Variants in DGCR2 observed in about 807,000 individuals in gnomAD.
DGCR2 encodes the protein integral membrane protein DGCR2/IDD.
In DGCR2, 24 loss-of-function variants were observed where a neutral mutation model predicts 51.6. The observed-to-expected ratio is 0.47, with a 90% CI of 0.34 to 0.65. The LOEUF is 0.65. Among genes scored for constraint, DGCR2 ranks in the 30% least tolerant of loss-of-function variants. DGCR2 has a pLI of 0.01. For synonymous variants in DGCR2, 340 were observed against 315.4 expected (o/e 1.08, Z -0.82); for missense variants, 765 against 772.1 (o/e 0.99, Z 0.11).
chr22:19,119,606 T>C (rs1486123972), intron 1 of DGCR2, among the ~76,000 whole-genome samples: 5 of 151,840 alleles, frequency 3.3e-5, no homozygotes, highest in African/African-American at 1.2e-4. Context: ...CGTGGAGGCG[T>C]ATGCCTGTAA....
At chr22:19,048,107 G>A (rs572202999) in intron 7 of DGCR2, 7 of 365,152 alleles carry the variant, frequency 1.9e-5, no homozygotes, top group East Asian at 1.9e-4. Context: ...GCAGGAGAAC[G>A]GCTTAAACCC....
chr22:19,062,779 A>ACTCTCACTCTCTCTCTCT, intron 5 of DGCR2, among the ~76,000 whole-genome samples: 2 of 127,354 alleles, frequency 1.6e-5, no homozygotes, highest in East Asian at 2.3e-4. Flanking sequence ...ATGCATGCTC[A>ACTCTCACTCTCTCTCTCT]CTCTCTCTCT....
chr22:19,079,289 T>C (rs780232208), intron 2 of DGCR2, among the ~76,000 whole-genome samples: 6 of 152,184 alleles, frequency 3.9e-5, no homozygotes, highest in Non-Finnish European at 7.3e-5. Flanking sequence ...AATGTAAATA[T>C]TCCAAAATCA....
chr22:19,062,774 T>TTTTCTTTC (rs1569052709), intron 5 of DGCR2, among the ~76,000 whole-genome samples: 1 of 113,872 alleles, frequency 8.8e-6, no homozygotes, highest in Non-Finnish European at 1.9e-5. Flanking sequence ...CACACATGCA[T>TTTTCTTTC]GCTCACTCTC....
chr22:19,089,833 G>A (rs890954537), intron 1 of DGCR2, among the ~76,000 whole-genome samples: 4 of 152,298 alleles, frequency 2.6e-5, no homozygotes, highest in African/African-American at 4.8e-5. Flanking sequence ...TGCCTGCCTC[G>A]GCCTCCCGAA....
In DGCR2 at chr22:19,057,247, C is replaced by T; in HGVS notation, c.626-85G>A. 2 of 1,383,454 alleles carry T rather than the reference C, an allele frequency of 1.4e-6. No individual in the cohort carries two copies. Among genetic ancestry groups the T allele is most frequent in the Non-Finnish European group, 1.9e-6 (2 of 1,031,838 alleles). The allele number at this position is 1,383,454 out of a possible 1,614,324, so 85.7% of individuals were successfully genotyped here. ...TCCTCAAGGGGACCATGGCGTCAGACAGGATCATCAACCACAGGGCCTGGA... is the reference window on the plus strand; with the variant it reads ...TCCTCAAGGGGACCATGGCGTCAGATAGGATCATCAACCACAGGGCCTGGA... On this transcript the variant is annotated intron_variant, in intron 5 of 9. Coordinates refer to ENST00000263196, the MANE Select transcript of DGCR2 (RefSeq NM_005137.3). This position sits in a 1 kb window ranked among gnomAD's most constrained non-coding sequence, Gnocchi z 5.1.
In DGCR2 at chr22:19,063,174, AACACTCCCAC is replaced by A; in HGVS notation, c.625+18_625+27del. ...ATCAGGGTGACTCTGCCCAGCTTCA[AACACTCCCAC>A]ACACCAGAAGGGCTCACCTTTGAAT... On this transcript the variant is annotated intron_variant, in intron 5 of 9. Transcript: ENST00000263196. 1.9e-6 allele frequency: 3 copies of A among 1,610,778 alleles called. No homozygotes were observed. The highest frequency in any genetic ancestry group is 2.5e-6 in the Non-Finnish European group (3 of 1,177,000).
At chr22:19,078,918 G>A (rs1037250229) in intron 2 of DGCR2, among the ~76,000 whole-genome samples, 4 of 152,124 alleles carry the variant, frequency 2.6e-5, no homozygotes, top group African/African-American at 9.7e-5. Flanking sequence ...TTCTTTAAAC[G>A]TTTGGAGAAT....
At chr22:19,041,729 G>C in intron 8 of DGCR2, 78 bp downstream of exon 8, 1 of 1,504,144 alleles carries the variant, frequency 6.6e-7, no homozygotes, top group Non-Finnish European at 9.1e-7. Flanking sequence ...TCTGTCCAGG[G>C]CTGGGGAGCT....
At chr22:19,048,714 C>T in intron 6 of DGCR2, 71 bp from the exon 7 acceptor site, 2 of 1,522,916 alleles carry the variant, frequency 1.3e-6, no homozygotes, top group Non-Finnish European at 1.8e-6. Context: ...GTGGGCCACA[C>T]TGCCAAAAAA....
At chr22:19,084,059 T>C (rs2082976640) in intron 2 of DGCR2, among the ~76,000 whole-genome samples, 1 of 152,044 alleles carries the variant, frequency 6.6e-6, no homozygotes, top group Admixed American at 6.5e-5. Context: ...TGGCGTGATC[T>C]CGGCTCGCTA....
At chr22:19,056,285 A>G (rs537299776) in intron 6 of DGCR2, 37 of 180,856 alleles carry the variant, frequency 2.0e-4, no homozygotes, top group African/African-American at 7.8e-4. Context: ...ACTGCACTCC[A>G]GCCTGGGCAA....
At chr22:19,104,255 T>C (rs1185770095) in intron 1 of DGCR2, among the ~76,000 whole-genome samples, 1 of 152,144 alleles carries the variant, frequency 6.6e-6, no homozygotes, top group Non-Finnish European at 1.5e-5. Flanking sequence ...GGAGAGCTAC[T>C]GCTTTGGGCT....
chr22:19,063,144 C>G, intron 5 of DGCR2, 58 bp downstream of exon 5: 1 of 1,525,680 alleles, frequency 6.6e-7, no homozygotes, highest in Non-Finnish European at 9.1e-7. Flanking sequence ...GAGGGGAGGC[C>G]CCGAATCAGG....
intron 7 of DGCR2, chr22:19,046,592 G>GCCGTATCATTAAAAAA: frequency 5.1e-6 from 1 of 195,072 alleles, no homozygotes; most frequent in Non-Finnish European, 1.2e-5. Flanking sequence ...TTGTTGGAGG[G>GCCGTATCATTAAAAAA]GACATTCTGA....
intron 1 of DGCR2, among the ~76,000 whole-genome samples, chr22:19,114,866 T>C (rs1222872132): frequency 6.6e-6 from 1 of 152,168 alleles, no homozygotes; most frequent in East Asian, 1.9e-4. Flanking sequence ...ACCAGAATAC[T>C]GTCCTCAGTA....
chr22:19,088,866 G>A (rs924325446), intron 2 of DGCR2, among the ~76,000 whole-genome samples: 13 of 152,180 alleles, frequency 8.5e-5, no homozygotes. Flanking sequence ...TAGCCTTTTT[G>A]TGGCCTTTCC....
chr22:19,118,374 CAAAAAA>C (rs923572855), intron 1 of DGCR2, among the ~76,000 whole-genome samples: 1 of 56,766 alleles, frequency 1.8e-5, no homozygotes, highest in Non-Finnish European at 3.2e-5. Context: ...CCATCGCAAA[CAAAAAA>C]AAAAAAAAAA....
intron 5 of DGCR2, among the ~76,000 whole-genome samples, chr22:19,062,069 A>C (rs1217984898): frequency 1.3e-5 from 2 of 152,200 alleles, no homozygotes; most frequent in African/African-American, 4.8e-5. Flanking sequence ...CACCAGTGTC[A>C]GGAGGACAAG....
Sources: gnomAD v4.1 joint callset for allele counts (sites outside exome capture counted in the v4.1 genomes callset) on GRCh38, gnomAD v4.1.1 for gene constraint, Gnocchi (gnomAD v3.1) non-coding constraint, MANE v1.5 for transcripts, NCBI Gene and HGNC (gene_info 2026-07-23, HGNC 2026-07-21) for gene names.